The following METTL15 variants were observed in gnomAD, a reference collection of about 807,000 sequenced individuals.
METTL15 encodes the protein methyltransferase 15, mitochondrial 12S rRNA N4-cytidine.
In METTL15, 34 loss-of-function variants were observed where a neutral mutation model predicts 38.3. The ratio of observed to expected loss-of-function variants is 0.89; its 90% CI spans 0.68 to 1.18. The LOEUF (loss-of-function observed/expected upper bound fraction) is 1.18, where lower values mean the gene tolerates loss of function less well. METTL15 is among the 50% of genes most tolerant of loss of function. The pLI, the probability that METTL15 is intolerant of heterozygous loss-of-function variation, is 0.00. For missense variants in METTL15, 438 were observed against 498.4 expected, an observed-to-expected ratio of 0.88 and a Z score of 1.15; for synonymous variants, 162 against 170.9, an observed-to-expected ratio of 0.95 and a Z score of 0.41.
chr11:28,309,278 A>C (rs542597459), intron 6 of METTL15, among the ~76,000 whole-genome samples: 85 of 152,184 alleles, frequency 5.6e-4, no homozygotes, highest in African/African-American at 2.0e-3. Context: ...CTCGTCACAA[A>C]TCTCACTTTT....
intron 3 of METTL15, among the ~76,000 whole-genome samples, chr11:28,143,701 G>T (rs1018259894): frequency 6.6e-6 from 1 of 152,180 alleles, no homozygotes; most frequent in Non-Finnish European, 1.5e-5. Context: ...TGGGAACAAA[G>T]ACGCATTAAT....
At position 28,239,533 on chromosome 11, in the gene METTL15, C is replaced by T. The variant is rs149479833; in HGVS notation, c.407+28335C>T. ...GTCTTCCAGCTTCTGCCATTAAAAT[C>T]CTTCTATAGTGTATTATCAGCCCCA... On this transcript the variant is annotated intron_variant, in intron 4 of 6. Coordinates refer to ENST00000407364, the MANE Select transcript of METTL15 (RefSeq NM_001113528.2). 2.5e-3 allele frequency among the ~76,000 whole-genome samples: 377 copies of T among 152,296 alleles called. 1 individual carries two copies. Among genetic ancestry groups the T allele is most frequent in the Non-Finnish European group, 4.1e-3 (276 of 68,024 alleles).
chr11:28,408,010 A>G (rs902313020), intron 5 of METTL15, among the ~76,000 whole-genome samples: 2 of 152,158 alleles, frequency 1.3e-5, no homozygotes, highest in African/African-American at 2.4e-5. Context: ...TTGCAGGGAC[A>G]TGGATGGAGC....
chr11:28,464,313 CT>C (rs1368889284), intron 6 of METTL15, among the ~76,000 whole-genome samples: 1 of 152,092 alleles, frequency 6.6e-6, no homozygotes, highest in Non-Finnish European at 1.5e-5. Context: ...CAAACTTTTT[CT>C]GAAAAAAGCC....
At chr11:28,194,580 C>A (rs1851840223) in intron 3 of METTL15, among the ~76,000 whole-genome samples, 1 of 151,824 alleles carries the variant, frequency 6.6e-6, no homozygotes, top group African/African-American at 2.4e-5. Context: ...ATGAGTTTAA[C>A]TTCATAGAAG....
intron 6 of METTL15, among the ~76,000 whole-genome samples, chr11:28,503,334 A>T (rs1275426917): frequency 6.6e-6 from 1 of 152,232 alleles, no homozygotes; most frequent in Non-Finnish European, 1.5e-5. Context: ...TACTTTGACC[A>T]CTATTTCCAG....
In METTL15 at chr11:28,176,601, T is replaced by A. The variant is rs1851085248; in HGVS notation, c.271-34461T>A. Among the ~76,000 whole-genome samples, 10 of 152,272 alleles carry A rather than the reference T, an allele frequency of 6.6e-5. No homozygotes were observed. In the South Asian group the frequency reaches 2.1e-3, roughly 32 times the overall value. ...AGTATTTCTTATCATTACCATTCACTCCTTTACACTATTAATTTTTATTGA... is the reference window on the plus strand; with the variant it reads ...AGTATTTCTTATCATTACCATTCACACCTTTACACTATTAATTTTTATTGA... On this transcript the variant is annotated intron_variant, in intron 3 of 6. Transcript: ENST00000407364.
intron 4 of METTL15, among the ~76,000 whole-genome samples, chr11:28,211,623 GA>G (rs1232026021): frequency 3.3e-5 from 5 of 151,894 alleles, no homozygotes; most frequent in Non-Finnish European, 7.4e-5. Flanking sequence ...TGTTTCCTTT[GA>G]ATTTTCTGAA....
chr11:28,453,175 G>C (rs1851137974), intron 6 of METTL15, among the ~76,000 whole-genome samples: 1 of 152,188 alleles, frequency 6.6e-6, no homozygotes, highest in African/African-American at 2.4e-5. Context: ...TATGGCTGCT[G>C]CCAGAATATT....
chr11:28,220,835 G>A (rs909006213), intron 4 of METTL15, among the ~76,000 whole-genome samples: 4 of 152,052 alleles, frequency 2.6e-5, no homozygotes, highest in African/African-American at 9.7e-5. Flanking sequence ...TAGTTTGGCT[G>A]GATATGAAAT....
At chr11:28,380,860 A>C (rs1368028484) in intron 5 of METTL15, among the ~76,000 whole-genome samples, 2 of 151,530 alleles carry the variant, frequency 1.3e-5, no homozygotes, top group Admixed American at 6.6e-5. Context: ...TCATTTCAGC[A>C]CTTTAAAAAT....
chr11:28,211,347 A>C, intron 4 of METTL15, 149 bp downstream of exon 4: 1 of 636,606 alleles, frequency 1.6e-6, no homozygotes, highest in Non-Finnish European at 2.4e-6. Context: ...AATTAATGTA[A>C]GTGATGTTTT....
chr11:28,383,241 G>A (rs750468564), intron 5 of METTL15, among the ~76,000 whole-genome samples: 7 of 152,056 alleles, frequency 4.6e-5, no homozygotes, highest in Non-Finnish European at 1.0e-4. Flanking sequence ...TACTATGTTA[G>A]TTTGCTCAGA....
intron 6 of METTL15, among the ~76,000 whole-genome samples, chr11:28,451,482 G>A (rs552582372): frequency 1.3e-5 from 2 of 152,182 alleles, no homozygotes; most frequent in South Asian, 4.2e-4. Context: ...CTACTCAGGA[G>A]GCTGAGGCAG....
At chr11:28,362,452 C>T (rs1850147850) in intron 5 of METTL15, among the ~76,000 whole-genome samples, 1 of 152,128 alleles carries the variant, frequency 6.6e-6, no homozygotes, top group Admixed American at 6.5e-5. Context: ...AAGCATAGTA[C>T]CCAACAGGTG....
At chr11:28,238,295 G>A (rs1445033891) in intron 4 of METTL15, among the ~76,000 whole-genome samples, 4 of 152,114 alleles carry the variant, frequency 2.6e-5, no homozygotes, top group African/African-American at 9.7e-5. Context: ...TTTACCTAAG[G>A]GAGCCTGGGC....
intron 5 of METTL15, among the ~76,000 whole-genome samples, chr11:28,384,286 A>G (rs992262123): frequency 6.6e-6 from 1 of 151,154 alleles, no homozygotes; most frequent in Non-Finnish European, 1.5e-5. Context: ...AAACATATGC[A>G]TGCAGATGTC....
intron 3 of METTL15, among the ~76,000 whole-genome samples, chr11:28,203,191 C>T (rs985197039): frequency 3.3e-5 from 5 of 151,996 alleles, no homozygotes; most frequent in Admixed American, 2.6e-4. Flanking sequence ...CCTGATTGCT[C>T]TAACCACCTA....
intron 6 of METTL15, among the ~76,000 whole-genome samples, chr11:28,443,113 T>G (rs760044342): frequency 6.6e-6 from 1 of 152,178 alleles, no homozygotes; most frequent in Non-Finnish European, 1.5e-5. Flanking sequence ...CATCTGCCTT[T>G]CTCACTCTAG....
Sources: gnomAD v4.1 joint callset for allele counts (sites outside exome capture counted in the v4.1 genomes callset) on GRCh38, gnomAD v4.1.1 for gene constraint, MANE v1.5 for transcripts, NCBI Gene and HGNC (gene_info 2026-07-23, HGNC 2026-07-21) for gene names.